Variants in IL16 observed in about 807,000 individuals in gnomAD.
The protein encoded by IL16 is pro-interleukin-16.
Under a neutral mutation model 110.1 loss-of-function variants are expected in IL16, and 67 were observed. The ratio of observed to expected loss-of-function variants is 0.61; its 90% CI spans 0.50 to 0.75. The LOEUF (loss-of-function observed/expected upper bound fraction) is 0.75. Ranked by LOEUF, IL16 falls within the 30% of genes least tolerant of loss-of-function variation. The pLI is 0.00. For synonymous variants in IL16, 689 were observed against 662.9 expected (o/e 1.04, Z -0.61); for missense variants, 1,545 against 1,655.0 (o/e 0.93, Z 1.15).
At chr15:81,249,599 T>C (rs1295362181) in intron 2 of IL16, among the ~76,000 whole-genome samples, 1 of 152,214 alleles carries the variant, frequency 6.6e-6, no homozygotes, top group Non-Finnish European at 1.5e-5. Flanking sequence ...CTTTTCTCTC[T>C]GGCTGCTGTT....
chr15:81,258,984 C>G (rs886606081), intron 2 of IL16, among the ~76,000 whole-genome samples: 4 of 152,064 alleles, frequency 2.6e-5, no homozygotes, highest in African/African-American at 9.7e-5. Flanking sequence ...TATCCCTACA[C>G]CCATCCCTAA....
upstream of IL16, among the ~76,000 whole-genome samples, chr15:81,194,887 C>T (rs920220880): frequency 1.3e-5 from 2 of 152,158 alleles, no homozygotes; most frequent in Non-Finnish European, 2.9e-5. Context: ...ACACAGGAAG[C>T]TCTTGGTTGA....
At chr15:81,272,939 G>GTTT in intron 5 of IL16, 151 bp from the exon 6 acceptor site, 1 of 552,746 alleles carries the variant, frequency 1.8e-6, no homozygotes, top group Non-Finnish European at 3.4e-6. Context: ...TGTTGTTGTT[G>GTTT]TTGTTAACCT....
In IL16 at chr15:81,265,090, TCTGTGGTTTCCACAAAGTAGAGGAAGC is replaced by T. The variant is rs1487371786; in HGVS notation, c.422-564_422-538del. On this transcript the variant is annotated intron_variant, in intron 3 of 18. Transcript: ENST00000683961. ...GAGTTCCCGGTTGGATGAAAGGAAGTCTGTGGTTTCCACAAAGTAGAGGAAGCCTGTCGCTTTGCATTTTTGCAGATA... is the reference window on the plus strand; with the variant it reads ...GAGTTCCCGGTTGGATGAAAGGAAGTCTGTCGCTTTGCATTTTTGCAGATA... Among the ~76,000 whole-genome samples, 67 of 152,162 alleles carry T rather than the reference TCTGTGGTTTCCACAAAGTAGAGGAAGC, an allele frequency of 4.4e-4. 1 individual carries two copies. Among genetic ancestry groups the T allele is most frequent in the African/African-American group, 1.4e-3 (59 of 41,438 alleles).
At chr15:81,185,613 T>A (rs1021621765) in intron 1 of IL16, among the ~76,000 whole-genome samples, 5 of 152,172 alleles carry the variant, frequency 3.3e-5, no homozygotes, top group African/African-American at 1.2e-4. Context: ...CAACAAATTA[T>A]TTATTTAGAG....
chr15:81,273,049 G>C (rs1898716940), intron 5 of IL16, 41 bp from the exon 6 acceptor site: 1 of 1,513,556 alleles, frequency 6.6e-7, no homozygotes, highest in Admixed American at 1.7e-5. Context: ...GAGAAGCATG[G>C]AATACTACCC....
In IL16 at chr15:81,311,851, TTG is replaced by T. The variant is rs1297541204; in HGVS notation, c.*3055_*3056del. The T allele has an allele frequency of 6.6e-6, 1 of 152,180 alleles. No individual in the cohort carries two copies. The highest frequency in any genetic ancestry group is 6.5e-5 in the Admixed American group (1 of 15,276). The allele number at this position is 152,180 out of a possible 1,614,324, so 9.4% of individuals were successfully genotyped here. ...AGGATCTTAGGCATGACTGTAGAAT[TTG>T]TAGTTGCAATAGAACAGAGAAAGAG... On this transcript the variant is annotated 3_prime_UTR_variant, in exon 19 of 19. Transcript: ENST00000683961.
At chr15:81,282,602 G>A (rs1446147889) in intron 8 of IL16, 37 bp from the exon 9 acceptor site, 1 of 1,525,778 alleles carries the variant, frequency 6.6e-7, no homozygotes, top group Non-Finnish European at 9.0e-7. Context: ...GGAAAGCTCA[G>A]TCCCGGTCTC....
In IL16 at chr15:81,198,687, AGG is replaced by A. The variant is rs541161680; in HGVS notation, c.-102+1538_-102+1539del. On this transcript the variant is annotated intron_variant, in intron 1 of 18. Coordinates refer to ENST00000683961, the MANE Select transcript of IL16 (RefSeq NM_172217.5). ...CCTTTCTGGTTCCCAGCAGTGGCCC[AGG>A]GGTATAGGAGTGAGAGGGAGGGAGG... Among the ~76,000 whole-genome samples the A allele has an allele frequency of 6.2e-3, 936 of 151,754 alleles. 7 individuals are homozygous for A. Among genetic ancestry groups the A allele is most frequent in the Non-Finnish European group, 8.9e-3 (607 of 67,960 alleles).
intron 12 of IL16, among the ~76,000 whole-genome samples, chr15:81,294,543 G>A (rs775339963): frequency 1.1e-4 from 17 of 152,154 alleles, no homozygotes; most frequent in Non-Finnish European, 2.5e-4. Flanking sequence ...GCCCAGGCAA[G>A]GAACTTCCCA....
chr15:81,232,042 G>GTTTTTTTTTTTTTTTCTTTTTTTTTTTTT (rs1897010807), intron 2 of IL16, among the ~76,000 whole-genome samples: 3 of 57,704 alleles, frequency 5.2e-5, no homozygotes, highest in Non-Finnish European at 6.7e-5. Flanking sequence ...ATTTGTTCTT[G>GTTTTTTTTTTTTTTTCTTTTTTTTTTTTT]TTTTTTTTTT....
intron 2 of IL16, among the ~76,000 whole-genome samples, chr15:81,247,073 TTCC>T (rs770922760): frequency 0.011 from 1,312 of 123,110 alleles, 18 homozygotes; most frequent in Non-Finnish European, 0.016. Context: ...TTCTTTTCTT[TTCC>T]TTTTTTTTTT....
In IL16 at chr15:81,301,362, A is replaced by G. The variant is rs1900274689; in HGVS notation, c.3168A>G (p.Glu1056=). 7 of 1,609,078 alleles carry G rather than the reference A, an allele frequency of 4.4e-6. No homozygotes were observed. In the East Asian group the frequency reaches 1.6e-4, roughly 36 times the overall value. The change falls in exon 15 of 19, where the codon GAA becomes GAG. Residue 1056 remains glutamate (E), a synonymous_variant. Transcript: ENST00000683961. ...GFSLNLSELR[E]YTEGLTEAKE... is the part of the protein sequence containing the mutation. ...ATGAAAGCCTTTCAGAGCTGAGAGA[A>G]TATACAGAGGGTCTCACGGAAGCCA...
At chr15:81,222,253 C>T (rs1896640778) in intron 1 of IL16, among the ~76,000 whole-genome samples, 1 of 151,962 alleles carries the variant, frequency 6.6e-6, no homozygotes, top group Non-Finnish European at 1.5e-5. Context: ...GGTATGATGG[C>T]TTCTCTCCTA....
chr15:81,207,316 C>G (rs1197535402), intron 1 of IL16, among the ~76,000 whole-genome samples: 2 of 150,838 alleles, frequency 1.3e-5, no homozygotes, highest in African/African-American at 4.9e-5. Flanking sequence ...TTTATAATCA[C>G]AGTGTTGCTG....
At chr15:81,212,742 G>A (rs1471120757) in intron 1 of IL16, among the ~76,000 whole-genome samples, 4 of 152,102 alleles carry the variant, frequency 2.6e-5, no homozygotes, top group Non-Finnish European at 4.4e-5. Context: ...AAAGTGCCAG[G>A]ATTACAGGCA....
intron 1 of IL16, among the ~76,000 whole-genome samples, chr15:81,212,009 T>G (rs1004008110): frequency 3.3e-5 from 5 of 152,200 alleles, no homozygotes; most frequent in African/African-American, 1.2e-4. Flanking sequence ...TGATTGTGGC[T>G]TCATAGGATA....
At chr15:81,228,715 C>T (rs931185847) in intron 2 of IL16, among the ~76,000 whole-genome samples, 1 of 152,082 alleles carries the variant, frequency 6.6e-6, no homozygotes, top group African/African-American at 2.4e-5. Flanking sequence ...GTTAATGATG[C>T]ATATTATCAA....
intron 1 of IL16, among the ~76,000 whole-genome samples, chr15:81,213,906 G>T (rs950922296): frequency 1.3e-5 from 2 of 152,120 alleles, no homozygotes; most frequent in African/African-American, 4.8e-5. Flanking sequence ...GCGTGATTTT[G>T]ATCCTGTCCT....
Sources: gnomAD v4.1 joint callset for allele counts (sites outside exome capture counted in the v4.1 genomes callset) on GRCh38, gnomAD v4.1.1 for gene constraint, MANE v1.5 for transcripts, NCBI Gene and HGNC (gene_info 2026-07-23, HGNC 2026-07-21) for gene names.